The following SRRM4 variants were observed in gnomAD, a reference collection of about 807,000 sequenced individuals.
SRRM4 encodes serine/arginine repetitive matrix protein 4.
In SRRM4, 33 loss-of-function variants were observed where a neutral mutation model predicts 68.9. The observed-to-expected ratio is 0.48, with a 90% confidence interval of 0.36 to 0.64. SRRM4 has a LOEUF of 0.64. Among genes scored for constraint, SRRM4 ranks in the 30% least tolerant of loss-of-function variants. SRRM4 has a pLI of 0.00. For synonymous variants in SRRM4, 318 were observed against 318.8 expected (o/e 1.00, Z 0.03); for missense variants, 817 against 827.1 (o/e 0.99, Z 0.15).
At chr12:119,056,763 A>C (rs922081469) in intron 1 of SRRM4, among the ~76,000 whole-genome samples, 1 of 152,026 alleles carries the variant, frequency 6.6e-6, no homozygotes, top group South Asian at 2.1e-4. Context: ...CCAGTTGCTC[A>C]ACACTTCTTC....
intron 1 of SRRM4, among the ~76,000 whole-genome samples, chr12:119,016,183 T>A (rs1594028012): frequency 6.6e-6 from 1 of 152,130 alleles, no homozygotes; most frequent in South Asian, 2.1e-4. Context: ...CAAAACAGAA[T>A]CTTTTTCTAG....
At chr12:119,043,775 T>TACACACACACACACACAC (rs58053550) in intron 1 of SRRM4, among the ~76,000 whole-genome samples, 1,895 of 141,718 alleles carry the variant, frequency 0.013, 33 homozygotes, top group African/African-American at 0.031. Context: ...CATACACGCA[T>TACACACACACACACACAC]ACACACACAC....
At chr12:119,025,396 T>G (rs1354315930) in intron 1 of SRRM4, among the ~76,000 whole-genome samples, 1 of 151,622 alleles carries the variant, frequency 6.6e-6, no homozygotes, top group East Asian at 1.9e-4. Context: ...TGCTTAGATG[T>G]GGGTGTCAAG....
chr12:119,109,274 T>C (rs926654253), intron 2 of SRRM4, among the ~76,000 whole-genome samples: 5 of 152,162 alleles, frequency 3.3e-5, no homozygotes, highest in African/African-American at 1.2e-4. Flanking sequence ...TCATTTCAAC[T>C]TTGGTGAATC....
At chr12:119,125,758 A>G (rs955500375) in intron 7 of SRRM4, among the ~76,000 whole-genome samples, 7 of 151,940 alleles carry the variant, frequency 4.6e-5, no homozygotes, top group Non-Finnish European at 7.4e-5. Flanking sequence ...TGTCTCTACT[A>G]AAAATACAAA....
At chr12:119,014,233 A>G (rs1037252222) in intron 1 of SRRM4, among the ~76,000 whole-genome samples, 11 of 152,110 alleles carry the variant, frequency 7.2e-5, no homozygotes, top group African/African-American at 1.7e-4. Context: ...AGCTCTTTGC[A>G]TATTAAAGGA....
intron 9 of SRRM4, among the ~76,000 whole-genome samples, chr12:119,149,660 A>C (rs945526254): frequency 6.6e-6 from 1 of 152,136 alleles, no homozygotes; most frequent in Non-Finnish European, 1.5e-5. Flanking sequence ...CCAGATGAAG[A>C]GGGAATGGAG....
intron 8 of SRRM4, among the ~76,000 whole-genome samples, chr12:119,135,385 T>G (rs1954321822): frequency 6.6e-6 from 1 of 152,186 alleles, no homozygotes; most frequent in Non-Finnish European, 1.5e-5. Context: ...TAGTTGCTAA[T>G]CCTTGTCAAC....
chr12:119,076,414 G>A (rs1030572507), intron 1 of SRRM4, among the ~76,000 whole-genome samples: 6 of 152,154 alleles, frequency 3.9e-5, no homozygotes, highest in African/African-American at 9.7e-5. Context: ...AGATGGAAGC[G>A]TGGTATCAGG....
intron 7 of SRRM4, among the ~76,000 whole-genome samples, chr12:119,126,041 T>G (rs868715003): frequency 0.025 from 1,868 of 75,280 alleles, 51 homozygotes; most frequent in African/African-American, 0.081. Context: ...TTTTTTTTTT[T>G]GAGACAGAGT....
rs115063267 is a variant in SRRM4 at position 119,049,898 on chromosome 12, G to A, written c.132-52338G>A. ...AGGACCTCATTATACCTTAATTACC[G>A]TTTAAAAGGTCCCATTTTCAAACGC... On this transcript the variant is annotated intron_variant, in intron 1 of 12. Coordinates refer to ENST00000267260, the MANE Select transcript of SRRM4 (RefSeq NM_194286.4). Among the ~76,000 whole-genome samples the A allele has an allele frequency of 5.2e-3, 789 of 152,158 alleles. 2 individuals are homozygous for A. The highest frequency in any genetic ancestry group is 0.015 in the African/African-American group (616 of 41,520).
At chr12:119,128,995 G>C (rs1954277327) in intron 7 of SRRM4, among the ~76,000 whole-genome samples, 1 of 152,294 alleles carries the variant, frequency 6.6e-6, no homozygotes, top group South Asian at 2.1e-4. Context: ...ACATTCAGTA[G>C]AAACATGATT....
chr12:119,156,730 CG>C lies in SRRM4; in HGVS notation c.1770del (p.Ser591AlafsTer25). On this transcript the variant is annotated frameshift_variant, in exon 13 of 13. Coordinates refer to ENST00000267260, the MANE Select transcript of SRRM4 (RefSeq NM_194286.4). LOFTEE classifies it high-confidence loss of function. Reference protein sequence around the residue: ...RSRSRSRSRSRSRSRSQSRSY... With the variant: ...RSRSRSRSRSXSRSRSQSRSY... ...CCGGAGCCGGAGCAGGAGCCGGAGC[CG>C]GAGCCGGAGCAGGAGCCAGAGCCGG... 6.5e-7 allele frequency: 1 copy of C among 1,546,944 alleles called. No homozygotes were observed. The highest frequency in any genetic ancestry group is 1.2e-5 in the South Asian group (1 of 83,956).
At chr12:118,988,994 T>C (rs1203235013) in intron 1 of SRRM4, among the ~76,000 whole-genome samples, 1 of 151,960 alleles carries the variant, frequency 6.6e-6, no homozygotes, top group African/African-American at 2.4e-5. Context: ...ATTTGAGAAA[T>C]AGCAAGGAGG....
At chr12:118,989,472 C>A (rs145165797) in intron 1 of SRRM4, among the ~76,000 whole-genome samples, 1 of 152,280 alleles carries the variant, frequency 6.6e-6, no homozygotes, top group East Asian at 1.9e-4. Context: ...CCACTGCACA[C>A]TCTTGAAGCT....
chr12:119,006,422 T>C (rs1355184707), intron 1 of SRRM4, among the ~76,000 whole-genome samples: 1 of 152,150 alleles, frequency 6.6e-6, no homozygotes, highest in Non-Finnish European at 1.5e-5. Flanking sequence ...ATGAAACCTT[T>C]GAGGTAGACC....
intron 4 of SRRM4, among the ~76,000 whole-genome samples, chr12:119,119,680 G>A (rs1219717418): frequency 6.6e-6 from 1 of 152,148 alleles, no homozygotes; most frequent in East Asian, 1.9e-4. Context: ...CGTGACAGGT[G>A]CTAAGTACAG....
chr12:119,151,125 T>C lies in SRRM4; in HGVS notation c.1185T>C (p.Tyr395=). 2 of 1,613,974 alleles carry C rather than the reference T, an allele frequency of 1.2e-6. No homozygotes were observed. The highest frequency in any genetic ancestry group is 1.1e-5 in the South Asian group (1 of 91,088). ...PMKGCSRSSS[Y]ASTRSSSHSS... is the part of the protein sequence containing the mutation. ...AAGGGTGTTCCCGCAGCTCCTCCTA[T>C]GCCAGCACCCGATCCTCCAGTCACT... The change falls in exon 10 of 13, where the codon TAT becomes TAC. Residue 395 remains tyrosine (Y), a synonymous_variant. Transcript: ENST00000267260.
At position 118,981,843 on chromosome 12, in the gene SRRM4, T is replaced by G; in HGVS notation, c.-40T>G. 6.2e-7 allele frequency: 1 copy of G among 1,601,422 alleles called. No homozygotes were observed. Among genetic ancestry groups the G allele is most frequent in the Non-Finnish European group, 8.5e-7 (1 of 1,173,706 alleles). ...GTTTGGAATCCACGTTTCAGCACTT[T>G]GGACAGCGCCCCGGACGCCCCGGCC... On this transcript the variant is annotated 5_prime_UTR_variant, in exon 1 of 13. Coordinates refer to ENST00000267260, the MANE Select transcript of SRRM4 (RefSeq NM_194286.4).
Sources: allele counts gnomAD v4.1 joint callset (sites outside exome capture counted in the v4.1 genomes callset), GRCh38; gene constraint gnomAD v4.1.1; transcripts MANE v1.5; gene names NCBI Gene and HGNC (gene_info 2026-07-23, HGNC 2026-07-21).